TRMT11: variants seen among roughly 807,000 people sequenced by gnomAD.
The protein encoded by TRMT11 is tRNA (guanine(10)-N(2))-methyltransferase TRMT11.
Under a neutral mutation model 62.8 loss-of-function variants are expected in TRMT11, and 53 were observed. The observed-to-expected ratio is 0.84, with a 90% CI of 0.68 to 1.06. TRMT11 has a LOEUF of 1.06. Among genes scored for constraint, TRMT11 ranks in the 50% least tolerant of loss-of-function variants. The pLI is 0.00. For missense variants in TRMT11, 556 were observed against 553.4 expected (o/e 1.00, Z -0.05); for synonymous variants, 188 against 190.3 (o/e 0.99, Z 0.10).
the TRMT11 span, among the ~76,000 whole-genome samples, chr6:126,246,732 A>C: frequency 6.6e-6 from 1 of 152,180 alleles, no homozygotes; most frequent in Non-Finnish European, 1.5e-5. Flanking sequence ...TGAGGGAGTA[A>C]GGTTTCTGGT....
At chr6:126,197,408 G>A (rs575991966) in intron 1 of TRMT11, among the ~76,000 whole-genome samples, 4 of 152,242 alleles carry the variant, frequency 2.6e-5, no homozygotes, top group African/African-American at 7.2e-5. Context: ...TTATCCAGAG[G>A]CTGATAATCT....
the TRMT11 span, among the ~76,000 whole-genome samples, chr6:126,242,624 A>T: frequency 6.6e-6 from 1 of 152,228 alleles, no homozygotes; most frequent in Admixed American, 6.5e-5. Flanking sequence ...CTCAGAAATA[A>T]TGCCACACAT....
At chr6:126,151,863 T>TTTCTTTCTTTCCTTCCTTCC (rs1323998793) in intron 21 of TRMT11, among the ~76,000 whole-genome samples, 1 of 126,328 alleles carries the variant, frequency 7.9e-6, no homozygotes, top group African/African-American at 3.3e-5. Context: ...TCTTTCTTTC[T>TTTCTTTCTTTCCTTCCTTCC]TTCCTTCTTT....
At chr6:126,056,370 C>T (rs1034390934) in intron 17 of TRMT11, among the ~76,000 whole-genome samples, 2 of 152,178 alleles carry the variant, frequency 1.3e-5, no homozygotes, top group East Asian at 3.9e-4. Flanking sequence ...AAAGCTTCCA[C>T]TGCTGAGATG....
the TRMT11 span, among the ~76,000 whole-genome samples, chr6:126,229,969 C>A: frequency 6.6e-6 from 1 of 152,054 alleles, no homozygotes; most frequent in African/African-American, 2.4e-5. Flanking sequence ...GTCTTCTTGA[C>A]AGATATAAGC....
intron 1 of TRMT11, among the ~76,000 whole-genome samples, chr6:126,184,177 C>T (rs942327132): frequency 2.0e-5 from 3 of 152,146 alleles, no homozygotes; most frequent in Admixed American, 1.3e-4. Context: ...ACAGGTAATG[C>T]ACAGTGCAAA....
chr6:125,989,124 CTTT>C (rs971479523), intron 1 of TRMT11, among the ~76,000 whole-genome samples: 1 of 94,422 alleles, frequency 1.1e-5, no homozygotes, highest in African/African-American at 4.2e-5. Context: ...AGTTTGGATT[CTTT>C]TTTTTTTTTT....
chr6:126,244,186 AT>A, the TRMT11 span, among the ~76,000 whole-genome samples: 1 of 151,994 alleles, frequency 6.6e-6, no homozygotes, highest in Non-Finnish European at 1.5e-5. Flanking sequence ...AAAAAAAAAA[AT>A]CCCCATCAGT....
At chr6:126,210,436 C>T in the TRMT11 span, among the ~76,000 whole-genome samples, 72 of 152,322 alleles carry the variant, frequency 4.7e-4, no homozygotes, top group African/African-American at 1.7e-3. Context: ...CTGGCCAACA[C>T]TTTGATTGCA....
chr6:126,238,204 A>G, the TRMT11 span, among the ~76,000 whole-genome samples: 1 of 151,406 alleles, frequency 6.6e-6, no homozygotes, highest in Non-Finnish European at 1.5e-5. Flanking sequence ...TTGTGTCTCT[A>G]TCTCCTTCAG....
the TRMT11 span, among the ~76,000 whole-genome samples, chr6:126,213,732 C>G: frequency 6.6e-6 from 1 of 151,918 alleles, no homozygotes; most frequent in Admixed American, 6.6e-5. Context: ...ATTTGGATGC[C>G]CTTTATATCT....
the TRMT11 span, among the ~76,000 whole-genome samples, chr6:126,240,947 T>G: frequency 6.6e-6 from 1 of 152,210 alleles, no homozygotes; most frequent in Non-Finnish European, 1.5e-5. Context: ...GCCTTGCAGT[T>G]TGATCTCAGA....
chr6:126,113,177 T>A (rs1387088951), intron 18 of TRMT11, among the ~76,000 whole-genome samples: 4 of 152,124 alleles, frequency 2.6e-5, no homozygotes, highest in African/African-American at 9.6e-5. Flanking sequence ...GGCGTTATGT[T>A]CCCCCATATT....
At chr6:126,241,681 T>C in the TRMT11 span, among the ~76,000 whole-genome samples, 3 of 152,158 alleles carry the variant, frequency 2.0e-5, no homozygotes, top group Admixed American at 6.6e-5. Flanking sequence ...TAAACAGAAC[T>C]AATGACAAAA....
In TRMT11 at chr6:126,013,115, A is replaced by G. The variant is rs201108357; in HGVS notation, c.1139+14A>G. The G allele has an allele frequency of 6.3e-7, 1 of 1,585,284 alleles. No homozygotes were observed. Among genetic ancestry groups the G allele is most frequent in the South Asian group, 1.2e-5 (1 of 84,582 alleles). On this transcript the variant is annotated intron_variant, in intron 11 of 12. Transcript: ENST00000334379. ...GTATACGCCAGAGTATGTAATCTTA[A>G]TTTTATTTTTAATTTCATTTTTCTT...
intron 21 of TRMT11, among the ~76,000 whole-genome samples, chr6:126,158,118 ATGTG>A (rs907379289): frequency 6.6e-6 from 1 of 152,084 alleles, no homozygotes; most frequent in African/African-American, 2.4e-5. Flanking sequence ...ACTTCCTTGT[ATGTG>A]TGTGTATGTT....
the TRMT11 span, among the ~76,000 whole-genome samples, chr6:126,264,276 T>A: frequency 6.6e-6 from 1 of 152,208 alleles, no homozygotes; most frequent in East Asian, 1.9e-4. Context: ...TTTCTCTTTC[T>A]TTTTTTCAGT....
chr6:126,094,510 A>G (rs998249940), intron 17 of TRMT11, among the ~76,000 whole-genome samples: 7 of 152,310 alleles, frequency 4.6e-5, no homozygotes, highest in Middle Eastern at 3.4e-3. Context: ...TAGAGAAAGA[A>G]AAAACCTTTG....
chr6:126,152,561 G>A (rs767736858), intron 21 of TRMT11, among the ~76,000 whole-genome samples: 1 of 152,166 alleles, frequency 6.6e-6, no homozygotes, highest in Non-Finnish European at 1.5e-5. Flanking sequence ...CATGCCTCAG[G>A]TCAAAGAAGA....
Sources: allele counts gnomAD v4.1 joint callset (sites outside exome capture counted in the v4.1 genomes callset), GRCh38; gene constraint gnomAD v4.1.1; transcripts MANE v1.5; gene names NCBI Gene and HGNC (gene_info 2026-07-23, HGNC 2026-07-21).